WAC: variants seen among roughly 807,000 people sequenced by gnomAD.
WAC encodes WW domain containing adaptor with coiled-coil, also known as WW domain-containing adapter protein with coiled-coil.
A neutral mutation model predicts 79.6 loss-of-function variants in WAC; 11 were observed. That is an observed-to-expected ratio of 0.14 (90% CI 0.09 to 0.23). The LOEUF is 0.23. Among genes scored for constraint, WAC ranks in the 10% least tolerant of loss-of-function variants. WAC has a pLI of 1.00. For synonymous variants in WAC, 304 were observed against 276.9 expected, an observed-to-expected ratio of 1.10 and a Z score of -0.97; for missense variants, 728 against 773.5, an observed-to-expected ratio of 0.94 and a Z score of 0.70.
chr10:28,542,168 T>A (rs1837089567), intron 3 of WAC, among the ~76,000 whole-genome samples: 1 of 152,220 alleles, frequency 6.6e-6, no homozygotes, highest in African/African-American at 2.4e-5. Context: ...CCTACTGTGC[T>A]CACTCACTTC....
At chr10:28,533,743 G>A (rs986054625) in intron 1 of WAC, 123 bp downstream of exon 1, 4 of 1,250,880 alleles carry the variant, frequency 3.2e-6, no homozygotes, top group Non-Finnish European at 4.4e-6. Context: ...GGATCGGGTT[G>A]GGGAGGAGGA....
chr10:28,601,782 T>C (rs1372552186), intron 7 of WAC, among the ~76,000 whole-genome samples: 1 of 152,158 alleles, frequency 6.6e-6, no homozygotes, highest in Non-Finnish European at 1.5e-5. Flanking sequence ...TTACATGAAA[T>C]AAGCCAGGAG....
intron 3 of WAC, among the ~76,000 whole-genome samples, chr10:28,569,870 G>A (rs1165868483): frequency 6.6e-6 from 1 of 152,198 alleles, no homozygotes; most frequent in Non-Finnish European, 1.5e-5. Flanking sequence ...TTTAGGCAGT[G>A]TGGCAATATG....
At chr10:28,558,969 T>G (rs1838149334) in intron 3 of WAC, among the ~76,000 whole-genome samples, 1 of 152,228 alleles carries the variant, frequency 6.6e-6, no homozygotes, top group Admixed American at 6.5e-5. Flanking sequence ...CAGCTCAATT[T>G]GTTAATATAA....
rs1436525712 is a variant in WAC at position 28,616,352 on chromosome 10, C to T, written c.1736C>T (p.Ala579Val). Residue 579 changes from alanine to valine, a missense_variant, in exon 12 of 14, where the codon GCA (alanine) becomes GTA (valine). Coordinates refer to ENST00000354911, the MANE Select transcript of WAC (RefSeq NM_016628.5). ...KHVQGWPADH[A>V]EKQASRLREE... Reference sequence around the variant, plus strand: ...GTTCAAGGATGGCCTGCAGATCATGCAGAGAAGCAGGTATGTTATGTACAG... The same window carrying T: ...GTTCAAGGATGGCCTGCAGATCATGTAGAGAAGCAGGTATGTTATGTACAG... 3 of 1,607,856 alleles carry T rather than the reference C, an allele frequency of 1.9e-6. No individual in the cohort carries two copies. The African/African-American group carries it at 4.0e-5, about 21-fold the overall frequency.
At chr10:28,545,397 T>C (rs1410710384) in intron 3 of WAC, among the ~76,000 whole-genome samples, 5 of 152,156 alleles carry the variant, frequency 3.3e-5, no homozygotes, top group African/African-American at 1.2e-4. Flanking sequence ...GGAGAATTGC[T>C]TGAACCCGTG....
intron 11 of WAC, chr10:28,615,565 G>T (rs1841432100): frequency 6.6e-6 from 1 of 152,202 alleles, no homozygotes; most frequent in Admixed American, 6.5e-5. Flanking sequence ...GCCAAGTCTG[G>T]TGAAGCAGGT....
At chr10:28,613,299 G>A (rs538051545) in intron 10 of WAC, among the ~76,000 whole-genome samples, 1 of 152,310 alleles carries the variant, frequency 6.6e-6, no homozygotes, top group Admixed American at 6.5e-5. Context: ...CTGGGAAGTG[G>A]AGGTGCAGTT....
At chr10:28,534,171 T>C in intron 2 of WAC, 137 bp downstream of exon 2, 1 of 855,186 alleles carries the variant, frequency 1.2e-6, no homozygotes, top group Non-Finnish European at 1.7e-6. Flanking sequence ...GCGGATCCCC[T>C]TAAAATTCCA....
chr10:28,563,251 CTAGTTG>C (rs1429641277), intron 3 of WAC, among the ~76,000 whole-genome samples: 3 of 152,024 alleles, frequency 2.0e-5, no homozygotes, highest in African/African-American at 7.3e-5. Context: ...TCTTTTCCTT[CTAGTTG>C]GGAAGATTAG....
chr10:28,550,366 A>G (rs994112433), intron 3 of WAC, among the ~76,000 whole-genome samples: 1 of 135,736 alleles, frequency 7.4e-6, no homozygotes, highest in Non-Finnish European at 1.6e-5. Flanking sequence ...CTCCTACCTC[A>G]CCTTTTTTTT....
At chr10:28,545,301 A>G (rs1240371591) in intron 3 of WAC, among the ~76,000 whole-genome samples, 3 of 151,922 alleles carry the variant, frequency 2.0e-5, no homozygotes, top group Non-Finnish European at 4.4e-5. Flanking sequence ...CAGCCTGACC[A>G]ATGTGGAGAA....
chr10:28,585,362 G>A (rs1335538130), intron 4 of WAC, among the ~76,000 whole-genome samples: 18 of 152,006 alleles, frequency 1.2e-4, no homozygotes, highest in African/African-American at 3.9e-4. Flanking sequence ...CCTTTCATTC[G>A]TCTAATGCTT....
At chr10:28,618,274 T>C (rs910338398) in intron 13 of WAC, among the ~76,000 whole-genome samples, 1 of 152,192 alleles carries the variant, frequency 6.6e-6, no homozygotes, top group African/African-American at 2.4e-5. Flanking sequence ...ACAATAATAA[T>C]AGCATAGGTA....
At chr10:28,551,819 T>TGTGTGTGTGTGTGTG (rs1397401638) in intron 3 of WAC, among the ~76,000 whole-genome samples, 5 of 144,620 alleles carry the variant, frequency 3.5e-5, no homozygotes, top group African/African-American at 1.0e-4. Flanking sequence ...TGTGTGTGTG[T>TGTGTGTGTGTGTGTG]TTCTTTTTTT....
intron 3 of WAC, among the ~76,000 whole-genome samples, chr10:28,554,963 C>T (rs1837901301): frequency 6.6e-6 from 1 of 152,176 alleles, no homozygotes; most frequent in South Asian, 2.1e-4. Context: ...GTCTAGGTTA[C>T]TTAGCATATC....
intron 7 of WAC, among the ~76,000 whole-genome samples, chr10:28,602,630 A>G (rs1388559490): frequency 2.0e-5 from 3 of 152,296 alleles, no homozygotes; most frequent in Non-Finnish European, 4.4e-5. Context: ...TGCACTTATT[A>G]CCAGTATCAT....
intron 3 of WAC, among the ~76,000 whole-genome samples, chr10:28,578,359 T>G (rs1237369494): frequency 6.6e-6 from 1 of 152,334 alleles, no homozygotes; most frequent in East Asian, 1.9e-4. Flanking sequence ...CAGATATACC[T>G]GTTCCTTCCT....
rs569611424 is a variant in WAC, at chr10:28,597,675, G to T, written c.919+1634G>T. Reference sequence around the variant, plus strand: ...AGACTTACGTATCTACTTACCTTCTGTAAACTCTTAGTATTTGTTACGTAT... The same window carrying T: ...AGACTTACGTATCTACTTACCTTCTTTAAACTCTTAGTATTTGTTACGTAT... On this transcript the variant is annotated intron_variant, in intron 7 of 13. Coordinates refer to ENST00000354911, the MANE Select transcript of WAC (RefSeq NM_016628.5). Among the ~76,000 whole-genome samples, 4 of 152,172 alleles carry T rather than the reference G, an allele frequency of 2.6e-5. No homozygotes were observed. In the South Asian group the frequency reaches 8.3e-4, roughly 32 times the overall value.
Sources: allele counts gnomAD v4.1 joint callset (sites outside exome capture counted in the v4.1 genomes callset), GRCh38; gene constraint gnomAD v4.1.1; transcripts MANE v1.5; gene names NCBI Gene and HGNC (gene_info 2026-07-23, HGNC 2026-07-21).